The following SNTG2 variants were observed in gnomAD, a reference collection of about 807,000 sequenced individuals.
SNTG2 encodes the protein gamma-2-syntrophin.
Under a neutral mutation model 70.9 loss-of-function variants are expected in SNTG2, and 74 were observed. The observed-to-expected ratio is 1.04, with a 90% CI of 0.86 to 1.27. The LOEUF (loss-of-function observed/expected upper bound fraction) is 1.27. Ranked by LOEUF, SNTG2 falls within the 50% of genes most tolerant of loss-of-function variation. SNTG2 has a pLI of 0.00. For synonymous variants in SNTG2, 278 were observed against 273.8 expected (o/e 1.02, Z -0.15); for missense variants, 717 against 690.7 (o/e 1.04, Z -0.43).
intron 1 of SNTG2, among the ~76,000 whole-genome samples, 200 bp downstream of exon 1, chr2:951,268 C>G (rs1485755265): frequency 1.3e-5 from 2 of 152,252 alleles, no homozygotes; most frequent in Non-Finnish European, 2.9e-5. Flanking sequence ...TCTGCTCCCT[C>G]CAGCCCAGTG....
chr2:1,294,926 C>T (rs1282475532), intron 14 of SNTG2, among the ~76,000 whole-genome samples: 1 of 152,242 alleles, frequency 6.6e-6, no homozygotes, highest in Non-Finnish European at 1.5e-5. Flanking sequence ...CCCAGGCACC[C>T]AGAGGCGAGG....
At chr2:1,047,460 C>G (rs1661804319) in intron 1 of SNTG2, among the ~76,000 whole-genome samples, 1 of 152,182 alleles carries the variant, frequency 6.6e-6, no homozygotes, top group African/African-American at 2.4e-5. Flanking sequence ...TGTGCTGGTT[C>G]TTTCTCATCC....
intron 9 of SNTG2, among the ~76,000 whole-genome samples, chr2:1,212,691 G>T (rs921144544): frequency 6.6e-6 from 1 of 152,124 alleles, no homozygotes; most frequent in Non-Finnish European, 1.5e-5. Context: ...ACATATTTGT[G>T]CAAAGTCCCA....
chr2:954,251 C>T (rs1660072165), intron 1 of SNTG2, among the ~76,000 whole-genome samples: 1 of 152,084 alleles, frequency 6.6e-6, no homozygotes, highest in African/African-American at 2.4e-5. Flanking sequence ...CTCAGAGAAC[C>T]CCGGCTTCGG....
At chr2:1,155,022 C>T (rs1669774174) in intron 6 of SNTG2, among the ~76,000 whole-genome samples, 1 of 151,012 alleles carries the variant, frequency 6.6e-6, no homozygotes, top group South Asian at 2.1e-4. Context: ...CATAGTCATA[C>T]ACCACACATA....
At chr2:1,022,848 C>A (rs1660268668) in intron 1 of SNTG2, among the ~76,000 whole-genome samples, 1 of 152,192 alleles carries the variant, frequency 6.6e-6, no homozygotes, top group Non-Finnish European at 1.5e-5. Flanking sequence ...ATTGTAGCAT[C>A]TTGATAGCGA....
intron 16 of SNTG2, among the ~76,000 whole-genome samples, chr2:1,360,936 T>A (rs1018780349): frequency 6.6e-6 from 1 of 152,206 alleles, no homozygotes; most frequent in Non-Finnish European, 1.5e-5. Flanking sequence ...AGAGAGTTCT[T>A]TTGGAGATCC....
rs565447913 is a variant in SNTG2, at chr2:1,123,537, C to T, written c.326-14085C>T. Among the ~76,000 whole-genome samples, 8 of 152,276 alleles carry T rather than the reference C, an allele frequency of 5.3e-5. No homozygotes were observed. The East Asian group carries it at 1.5e-3, about 29-fold the overall frequency. ...AGAGTGAAATTGGACTCTTGTCTTACACCGTATAGGAAACCTACCAAAAAT... is the reference window on the plus strand; with the variant it reads ...AGAGTGAAATTGGACTCTTGTCTTATACCGTATAGGAAACCTACCAAAAAT... On this transcript the variant is annotated intron_variant, in intron 4 of 16. Coordinates refer to ENST00000308624, the MANE Select transcript of SNTG2 (RefSeq NM_018968.4).
At chr2:1,202,820 A>G (rs1477146779) in intron 8 of SNTG2, among the ~76,000 whole-genome samples, 1 of 152,210 alleles carries the variant, frequency 6.6e-6, no homozygotes, top group Non-Finnish European at 1.5e-5. Flanking sequence ...CCCAAGAGAA[A>G]CATTTTATTA....
At chr2:1,262,333 C>T (rs1678456202) in intron 13 of SNTG2, among the ~76,000 whole-genome samples, 1 of 152,140 alleles carries the variant, frequency 6.6e-6, no homozygotes, top group Non-Finnish European at 1.5e-5. Context: ...GCCAAGCACC[C>T]ACCAAGGCTG....
chr2:1,238,111 G>A (rs35402865), intron 10 of SNTG2, 94 bp downstream of exon 10: 159,160 of 1,433,814 alleles, frequency 0.11, 9,514 homozygotes, highest in South Asian at 0.14. Flanking sequence ...TGATTAACCC[G>A]AAACAGAAAA....
intron 1 of SNTG2, among the ~76,000 whole-genome samples, chr2:996,584 A>G (rs1194591327): frequency 2.6e-5 from 4 of 151,384 alleles, no homozygotes; most frequent in Non-Finnish European, 5.9e-5. Context: ...ATGTGTATCT[A>G]CATCTACATA....
At chr2:1,092,506 C>A (rs1401534426) in intron 2 of SNTG2, among the ~76,000 whole-genome samples, 1 of 152,192 alleles carries the variant, frequency 6.6e-6, no homozygotes, top group Non-Finnish European at 1.5e-5. Flanking sequence ...CAGTGTTTTA[C>A]CTGTAGAACT....
intron 14 of SNTG2, among the ~76,000 whole-genome samples, chr2:1,298,838 AGCT>A (rs199973677): frequency 0.012 from 1,787 of 152,356 alleles, 15 homozygotes; most frequent in South Asian, 0.028. Flanking sequence ...CCATCCAAGC[AGCT>A]GCCAGTGAAC....
chr2:1,110,670 G>A (rs974531494), intron 4 of SNTG2, among the ~76,000 whole-genome samples: 1 of 152,148 alleles, frequency 6.6e-6, no homozygotes, highest in Non-Finnish European at 1.5e-5. Flanking sequence ...TCTGGCATCC[G>A]CTCCTCACAC....
At chr2:1,072,337 CTTTTTCTTTTTCTT>C (rs1558366808) in intron 1 of SNTG2, among the ~76,000 whole-genome samples, 1 of 120,664 alleles carries the variant, frequency 8.3e-6, no homozygotes, top group African/African-American at 3.0e-5. Context: ...TTTTTCTTTT[CTTTTTCTTTTTCTT>C]TTTTTTTTTT....
chr2:963,196 A>C lies in SNTG2; in HGVS notation c.72+12128A>C, dbSNP rs1336397338. Among the ~76,000 whole-genome samples the C allele has an allele frequency of 2.0e-5, 3 of 152,176 alleles. No individual in the cohort carries two copies. In the East Asian group the frequency reaches 5.8e-4, roughly 29 times the overall value. On this transcript the variant is annotated intron_variant, in intron 1 of 16. Coordinates refer to ENST00000308624, the MANE Select transcript of SNTG2 (RefSeq NM_018968.4). The stretch of plus-strand genomic sequence containing the variant: ...TTAACATCATTAACATAATGAATTT[A>C]AAGCCTATTTTTCCAAAAGCATCAC...
chr2:1,216,795 G>C (rs1423640811), intron 9 of SNTG2, among the ~76,000 whole-genome samples: 7 of 152,150 alleles, frequency 4.6e-5, no homozygotes. Flanking sequence ...ATGATCCCAC[G>C]TGCCTAGGGA....
At chr2:1,210,905 G>A (rs1046517774) in intron 9 of SNTG2, among the ~76,000 whole-genome samples, 2 of 152,130 alleles carry the variant, frequency 1.3e-5, no homozygotes, top group African/African-American at 4.8e-5. Flanking sequence ...GTGTGTTGTA[G>A]CCTGTATCAT....
Sources: gnomAD v4.1 joint callset for allele counts (sites outside exome capture counted in the v4.1 genomes callset) on GRCh38, gnomAD v4.1.1 for gene constraint, MANE v1.5 for transcripts, NCBI Gene and HGNC (gene_info 2026-07-23, HGNC 2026-07-21) for gene names.